The following OLA1 variants were observed in gnomAD, a reference collection of about 807,000 sequenced individuals.
OLA1 encodes the protein Obg like ATPase 1.
Under a neutral mutation model 48.4 loss-of-function variants are expected in OLA1, and 14 were observed. The observed-to-expected ratio is 0.29, with a 90% CI of 0.19 to 0.45. The LOEUF (loss-of-function observed/expected upper bound fraction) is 0.45. Among genes scored for constraint, OLA1 ranks in the 20% least tolerant of loss-of-function variants. OLA1 has a pLI of 1.00. For synonymous variants in OLA1, 127 were observed against 150.4 expected (o/e 0.84, Z 1.14); for missense variants, 325 against 467.1 (o/e 0.70, Z 2.80).
intron 7 of OLA1, among the ~76,000 whole-genome samples, chr2:174,098,632 G>T (rs1051422342): frequency 4.6e-5 from 7 of 152,170 alleles, no homozygotes; most frequent in African/African-American, 1.2e-4. Flanking sequence ...GCCAGACAAG[G>T]GGGATACGGG....
At chr2:174,155,992 G>A (rs967207945) in intron 4 of OLA1, among the ~76,000 whole-genome samples, 1 of 152,158 alleles carries the variant, frequency 6.6e-6, no homozygotes, top group African/African-American at 2.4e-5. Context: ...ATTTCTCTAT[G>A]CCTTAGTTTC....
At chr2:174,116,092 A>G (rs923499170) in intron 7 of OLA1, among the ~76,000 whole-genome samples, 15 of 152,166 alleles carry the variant, frequency 9.9e-5, no homozygotes, top group African/African-American at 3.4e-4. Flanking sequence ...ATTTATAATG[A>G]CAGTTTTTTT....
intron 4 of OLA1, among the ~76,000 whole-genome samples, chr2:174,165,178 T>C (rs1054240215): frequency 1.3e-5 from 2 of 152,206 alleles, no homozygotes; most frequent in African/African-American, 2.4e-5. Context: ...CTACTGTAAC[T>C]GAAAGTATTA....
chr2:174,176,560 G>A (rs1687422681), intron 4 of OLA1, among the ~76,000 whole-genome samples: 2 of 152,118 alleles, frequency 1.3e-5, no homozygotes, highest in South Asian at 4.2e-4. Context: ...TAATGATTTG[G>A]GGATTTTCCT....
intron 2 of OLA1, among the ~76,000 whole-genome samples, chr2:174,241,213 G>T (rs1423852074): frequency 6.6e-6 from 1 of 152,184 alleles, no homozygotes; most frequent in African/African-American, 2.4e-5. Flanking sequence ...GGATCTTTCA[G>T]TCTCAACTAG....
chr2:174,145,284 A>T (rs6433466), intron 4 of OLA1, among the ~76,000 whole-genome samples: 81,884 of 151,688 alleles, frequency 0.54, 22,770 homozygotes, highest in East Asian at 0.95. Context: ...TATAGTTTCA[A>T]GCTATTCAAT....
In OLA1 at chr2:174,081,196, A is replaced by G; in HGVS notation, c.922T>C (p.Phe308Leu). ...AGFAALQLEY[F>L]FTAGPDEVRA... Reference sequence around the variant, plus strand: ...ACTTCATCTGGGCCTGCAGTGAAAAAGTATTCTAGTTGGAGTGCTGCAAAC... The same window carrying G: ...ACTTCATCTGGGCCTGCAGTGAAAAGGTATTCTAGTTGGAGTGCTGCAAAC... Residue 308 changes from phenylalanine to leucine, a missense_variant, in exon 9 of 11, where the codon TTT (phenylalanine) becomes CTT (leucine). Phe to Leu is a conservative substitution (Grantham distance 22, BLOSUM62 0). Transcript: ENST00000284719. 1 of 1,611,774 alleles carries G rather than the reference A, an allele frequency of 6.2e-7. No individual in the cohort carries two copies. Among genetic ancestry groups the G allele is most frequent in the African/African-American group, 1.3e-5 (1 of 74,982 alleles).
At chr2:174,150,503 G>A (rs1006907042) in intron 4 of OLA1, among the ~76,000 whole-genome samples, 1 of 152,186 alleles carries the variant, frequency 6.6e-6, no homozygotes, top group Non-Finnish European at 1.5e-5. Context: ...CACATAGCAT[G>A]TCTAGAGTTT....
At chr2:174,191,392 T>C (rs1442135038) in intron 4 of OLA1, among the ~76,000 whole-genome samples, 2 of 152,104 alleles carry the variant, frequency 1.3e-5, no homozygotes, top group African/African-American at 4.8e-5. Flanking sequence ...TCCCCTTTTA[T>C]CTTTACCCAC....
chr2:174,088,989 T>C (rs1685045143), intron 7 of OLA1, among the ~76,000 whole-genome samples: 1 of 152,326 alleles, frequency 6.6e-6, no homozygotes, highest in Non-Finnish European at 1.5e-5. Context: ...TTGTACAGAA[T>C]AACATAATTG....
rs1043097862 is a variant in OLA1 at position 174,105,840 on chromosome 2, A to T, written c.728+17340T>A. Among the ~76,000 whole-genome samples the T allele has an allele frequency of 1.3e-4, 20 of 151,976 alleles. 1 individual carries two copies. The highest frequency in any genetic ancestry group is 4.8e-4 in the African/African-American group (20 of 41,426). On this transcript the variant is annotated intron_variant, in intron 7 of 10. Transcript: ENST00000284719. ...ACGTTATAATATTCTTGAAGCAAAA[A>T]TGAGTACGAACCTAGCCAAAAAGAC...
intron 4 of OLA1, among the ~76,000 whole-genome samples, chr2:174,186,216 G>A (rs1408122803): frequency 6.6e-6 from 1 of 152,116 alleles, no homozygotes; most frequent in Non-Finnish European, 1.5e-5. Context: ...ATTCCAACAA[G>A]ATTTCTGCTT....
At chr2:174,081,370 C>A in intron 8 of OLA1, 122 bp from the exon 9 acceptor site, 1 of 676,684 alleles carries the variant, frequency 1.5e-6, no homozygotes, top group African/African-American at 1.8e-5. Context: ...GACCATTCAT[C>A]TTTCAGAATA....
chr2:174,233,539 A>G (rs1688780225), intron 2 of OLA1, among the ~76,000 whole-genome samples: 1 of 152,196 alleles, frequency 6.6e-6, no homozygotes, highest in East Asian at 1.9e-4. Flanking sequence ...ACGGCCAGCT[A>G]ATTTTTTGTA....
At position 174,128,736 on chromosome 2, in the gene OLA1, C is replaced by CA. The variant is rs55808846; in HGVS notation, c.550-5062dup. Among the ~76,000 whole-genome samples the CA allele has an allele frequency of 3.9e-3, 516 of 131,192 alleles. 3 individuals are homozygous for CA. The highest frequency in any genetic ancestry group is 6.3e-3 in the Non-Finnish European group (387 of 61,234). The allele number at this position is 131,192 out of a possible 152,430, so 86.1% of individuals were successfully genotyped here. On this transcript the variant is annotated intron_variant, in intron 5 of 10. Transcript: ENST00000284719. ...TGGGGGACAAGAGCAAAACTTGTCT[C>CA]AAAAAAAAAAAAAATAAAATAAAAT...
intron 4 of OLA1, among the ~76,000 whole-genome samples, chr2:174,148,988 A>G (rs1170625575): frequency 6.6e-6 from 1 of 152,170 alleles, no homozygotes; most frequent in Non-Finnish European, 1.5e-5. Context: ...CATTAAATCA[A>G]TCATGTCATT....
chr2:174,156,353 C>T (rs1422484177), intron 4 of OLA1, among the ~76,000 whole-genome samples: 1 of 152,074 alleles, frequency 6.6e-6, no homozygotes, highest in Non-Finnish European at 1.5e-5. Flanking sequence ...ACATTGCCAA[C>T]CTACAGTTGA....
chr2:174,112,898 A>G (rs1685687210), intron 7 of OLA1, among the ~76,000 whole-genome samples: 1 of 152,090 alleles, frequency 6.6e-6, no homozygotes, highest in Non-Finnish European at 1.5e-5. Context: ...TCATTTCCCT[A>G]TTTCTATAAC....
At chr2:174,110,760 T>TTTGTAG (rs1685630001) in intron 7 of OLA1, among the ~76,000 whole-genome samples, 1 of 152,266 alleles carries the variant, frequency 6.6e-6, no homozygotes, top group South Asian at 2.1e-4. Context: ...GTTTTTATTT[T>TTTGTAG]TTGTAGACGT....
Sources: gnomAD v4.1 joint callset for allele counts (sites outside exome capture counted in the v4.1 genomes callset) on GRCh38, gnomAD v4.1.1 for gene constraint, MANE v1.5 for transcripts, NCBI Gene and HGNC (gene_info 2026-07-23, HGNC 2026-07-21) for gene names.